The following PAIP1 variants were observed in gnomAD, a reference collection of about 807,000 sequenced individuals.
PAIP1 encodes poly(A) binding protein interacting protein 1.
Under a neutral mutation model 61.3 loss-of-function variants are expected in PAIP1, and 16 were observed. The observed-to-expected ratio is 0.26, with a 90% CI of 0.18 to 0.40. The LOEUF (loss-of-function observed/expected upper bound fraction) is 0.40, where lower values mean the gene tolerates loss of function less well. Among genes scored for constraint, PAIP1 ranks in the 10% least tolerant of loss-of-function variants. The pLI is 1.00. For synonymous variants in PAIP1, 187 were observed against 226.2 expected (o/e 0.83, Z 1.56); for missense variants, 416 against 600.9 (o/e 0.69, Z 3.22).
In PAIP1 at chr5:43,527,436, T is replaced by G. The variant is rs1334306575; in HGVS notation, c.1380A>C (p.Pro460=). Residue 460 remains proline (P), a synonymous_variant, in exon 11 of 11, where the codon CCA becomes CCC. Coordinates refer to ENST00000306846, the MANE Select transcript of PAIP1 (RefSeq NM_006451.5). ...ACTTTTCATAAGCTTCTTCTATCTC[T>G]GGGTCCATCTCATCATCAATATCAT... ...YLDDIDDEMD[P]EIEEAYEKFC... The G allele has an allele frequency of 5.6e-6, 9 of 1,608,284 alleles. No homozygotes were observed. The highest frequency in any genetic ancestry group is 2.2e-5 in the East Asian group (1 of 44,532).
At chr5:43,529,430 A>C (rs1746846809) in intron 10 of PAIP1, among the ~76,000 whole-genome samples, 1 of 151,962 alleles carries the variant, frequency 6.6e-6, no homozygotes, top group Non-Finnish European at 1.5e-5. Flanking sequence ...TTGAGACAGA[A>C]TCTAGTTATG....
At chr5:43,539,456 CACA>C (rs1747305248) in intron 4 of PAIP1, among the ~76,000 whole-genome samples, 2 of 44,614 alleles carry the variant, frequency 4.5e-5, no homozygotes, top group African/African-American at 1.1e-4. Context: ...TTTAAATACA[CACA>C]CACACACACA....
At position 43,542,991 on chromosome 5, in the gene PAIP1, C is replaced by G. The variant is rs374594613; in HGVS notation, c.734+13G>C. On this transcript the variant is annotated intron_variant, in intron 4 of 10. Transcript: ENST00000306846. ...TAGAAGTAGTTTTCCTTTAATTTCACATTTACACTGACCTTTGAAGTAGCA... is the reference window on the plus strand; with the variant it reads ...TAGAAGTAGTTTTCCTTTAATTTCAGATTTACACTGACCTTTGAAGTAGCA... 5 of 1,352,338 alleles carry G rather than the reference C, an allele frequency of 3.7e-6. No homozygotes were observed. The South Asian group carries it at 5.8e-5, about 16-fold the overall frequency. The allele number at this position is 1,352,338 out of a possible 1,614,324, so 83.8% of individuals were successfully genotyped here. A position where few individuals can be genotyped will look rare whatever the true frequency, so the allele number is the denominator to read the frequency against.
At chr5:43,547,217 A>T (rs942655340) in intron 3 of PAIP1, among the ~76,000 whole-genome samples, 5 of 152,176 alleles carry the variant, frequency 3.3e-5, no homozygotes, top group African/African-American at 7.2e-5. Context: ...AAATGCTAAG[A>T]CAAGACATTT....
At chr5:43,536,981 C>A (rs777124687) in intron 5 of PAIP1, 37 bp from the exon 6 acceptor site, 2 of 1,506,314 alleles carry the variant, frequency 1.3e-6, no homozygotes, top group Admixed American at 2.2e-5. Context: ...AGGAATGATG[C>A]CAAAATATAA....
intron 7 of PAIP1, 118 bp from the exon 8 acceptor site, chr5:43,535,088 A>C (rs1747091001): frequency 7.6e-6 from 5 of 659,492 alleles, no homozygotes; most frequent in South Asian, 1.8e-5. Flanking sequence ...TGATGCCTTG[A>C]CTTTCTAGAC....
chr5:43,529,760 G>C, intron 10 of PAIP1, 26 bp downstream of exon 10: 1 of 1,150,458 alleles, frequency 8.7e-7, no homozygotes, highest in Non-Finnish European at 1.3e-6. Flanking sequence ...GAAATTTCAC[G>C]AAGTTAGTAA....
upstream of PAIP1, chr5:43,557,095 C>A: frequency 1.6e-6 from 1 of 627,886 alleles, no homozygotes; most frequent in Non-Finnish European, 2.3e-6. Flanking sequence ...CCCCAAAACC[C>A]GGCTCCCCGC....
chr5:43,531,316 T>TAAA (rs11406058), intron 9 of PAIP1, among the ~76,000 whole-genome samples: 1 of 142,626 alleles, frequency 7.0e-6, no homozygotes, highest in Non-Finnish European at 1.5e-5. Flanking sequence ...TGTTTTTCAT[T>TAAA]AAAAAAAAAA....
chr5:43,538,778 T>C (rs1166583519), intron 5 of PAIP1, 146 bp downstream of exon 5: 1 of 571,304 alleles, frequency 1.8e-6, no homozygotes, highest in East Asian at 2.9e-5. Context: ...CCACAGACAC[T>C]AGCAGGTGCC....
chr5:43,556,335 C>T (rs1251175959), intron 1 of PAIP1: 56 of 1,235,262 alleles, frequency 4.5e-5, no homozygotes, highest in Non-Finnish European at 4.1e-5. Flanking sequence ...TACTTCCTCC[C>T]GGGACCCCGA....
At chr5:43,529,030 G>C (rs1746826310) in intron 10 of PAIP1, among the ~76,000 whole-genome samples, 1 of 148,730 alleles carries the variant, frequency 6.7e-6, no homozygotes, top group Non-Finnish European at 1.5e-5. Context: ...ATAGTAATCT[G>C]TTTTCTTTAC....
Position 43,526,379 on chromosome 5 carries a change from A to G in PAIP1, c.*997T>C, listed in dbSNP as rs1363643758. The stretch of plus-strand genomic sequence containing the variant: ...CTGTATTAGCAGACACAGATGTACC[A>G]AATGTAAAACAGTGGGTTATTAACA... On this transcript the variant is annotated 3_prime_UTR_variant, in exon 11 of 11. Transcript: ENST00000306846. The G allele has an allele frequency of 6.6e-6, 1 of 152,472 alleles. No homozygotes were observed. Among genetic ancestry groups the G allele is most frequent in the Non-Finnish European group, 1.5e-5 (1 of 67,984 alleles). The allele number at this position is 152,472 out of a possible 1,614,324, so 9.4% of individuals were successfully genotyped here.
intron 2 of PAIP1, among the ~76,000 whole-genome samples, chr5:43,553,031 C>A (rs2111599767): frequency 1.3e-5 from 2 of 150,288 alleles, no homozygotes; most frequent in East Asian, 3.9e-4. Flanking sequence ...TGGGAAGTAA[C>A]TTGAAGAGGG....
At chr5:43,529,288 A>G (rs1314643617) in intron 10 of PAIP1, among the ~76,000 whole-genome samples, 1 of 152,206 alleles carries the variant, frequency 6.6e-6, no homozygotes, top group South Asian at 2.1e-4. Context: ...TAAGTATACT[A>G]TATTTTAATG....
chr5:43,534,192 T>TA (rs2112383801), intron 8 of PAIP1, among the ~76,000 whole-genome samples: 1 of 151,784 alleles, frequency 6.6e-6, no homozygotes, highest in South Asian at 2.1e-4. Flanking sequence ...ATCACTGGCC[T>TA]AGTAGCCATT....
In PAIP1 at chr5:43,556,748, G is replaced by T. The variant is rs1748105440; in HGVS notation, c.99C>A (p.Asn33Lys). ...GCGCCCGCTCAGCAGGCCCCGCTCC[G>T]TTCGGGAAACCGCCGCCCTCAGGCC... ...GGGPEGGGFP[N>K]GAGPAERARH... is the part of the protein sequence containing the mutation. Residue 33 changes from asparagine (N) to lysine (K), a missense_variant, in exon 1 of 11, where the codon AAC becomes AAA. Asn to Lys is a moderately conservative substitution (Grantham distance 94). Transcript: ENST00000306846. 1 of 1,411,196 alleles carries T rather than the reference G, an allele frequency of 7.1e-7. No individual in the cohort carries two copies. Among genetic ancestry groups the T allele is most frequent in the Non-Finnish European group, 9.2e-7 (1 of 1,086,492 alleles). The allele number at this position is 1,411,196 out of a possible 1,614,324, so 87.4% of individuals were successfully genotyped here.
chr5:43,548,947 C>CT (rs899534008), intron 2 of PAIP1, among the ~76,000 whole-genome samples: 18 of 151,608 alleles, frequency 1.2e-4, no homozygotes, highest in East Asian at 1.2e-3. Flanking sequence ...GAAAGACAGT[C>CT]TTTTTTTTTC....
intron 2 of PAIP1, among the ~76,000 whole-genome samples, chr5:43,553,844 C>T (rs922846552): frequency 3.3e-5 from 5 of 152,184 alleles, no homozygotes; most frequent in African/African-American, 1.2e-4. Context: ...CTCTACTCAG[C>T]TCCAACCAAT....
Sources: allele counts gnomAD v4.1 joint callset (sites outside exome capture counted in the v4.1 genomes callset), GRCh38; gene constraint gnomAD v4.1.1; transcripts MANE v1.5; gene names NCBI Gene and HGNC (gene_info 2026-07-23, HGNC 2026-07-21).